Variants in EIF2S1 observed in about 807,000 individuals in gnomAD.
EIF2S1 encodes the protein eukaryotic translation initiation factor 2 subunit alpha, also known as eukaryotic translation initiation factor 2 subunit 1.
A neutral mutation model predicts 33.5 loss-of-function variants in EIF2S1; 5 were observed. The observed-to-expected ratio is 0.15, with a 90% CI of 0.08 to 0.31. EIF2S1 has a LOEUF of 0.31. Ranked by LOEUF, EIF2S1 falls within the 10% of genes least tolerant of loss-of-function variation. The pLI is 1.00. For synonymous variants in EIF2S1, 99 were observed against 127.5 expected, an observed-to-expected ratio of 0.78 and a Z score of 1.51; for missense variants, 191 against 384.6, an observed-to-expected ratio of 0.50 and a Z score of 4.21.
At chr14:67,371,768 A>G (rs1236617350) in intron 2 of EIF2S1, among the ~76,000 whole-genome samples, 5 of 152,256 alleles carry the variant, frequency 3.3e-5, no homozygotes, top group Admixed American at 3.3e-4. Flanking sequence ...TATGCAGTGC[A>G]TGACTAATTT....
At position 67,382,344 on chromosome 14, in the gene EIF2S1, G is replaced by T. The variant is rs1378779702; in HGVS notation, c.679-103G>T. The T allele has an allele frequency of 4.7e-6, 5 of 1,072,412 alleles. No homozygotes were observed. In the African/African-American group the frequency reaches 6.5e-5, roughly 14 times the overall value. 66.4% of individuals were successfully genotyped at this position (1,072,412 alleles called of 1,614,324 possible). ...CCTGTAGAATTGGCAATTACGTTTT[G>T]GGGTGATTTGTTAATACAGCAGATT... On this transcript the variant is annotated intron_variant, in intron 6 of 7. Coordinates refer to ENST00000256383, the MANE Select transcript of EIF2S1 (RefSeq NM_004094.5).
intron 1 of EIF2S1, among the ~76,000 whole-genome samples, chr14:67,363,384 G>A (rs1383132875): frequency 6.6e-6 from 1 of 151,972 alleles, no homozygotes; most frequent in Non-Finnish European, 1.5e-5. Context: ...GCTCTTTGTT[G>A]TCAAACAGAT....
At chr14:67,361,474 C>A (rs574320210) in intron 1 of EIF2S1, among the ~76,000 whole-genome samples, 4 of 152,324 alleles carry the variant, frequency 2.6e-5, no homozygotes, top group Admixed American at 2.0e-4. Flanking sequence ...TGTAGCACTC[C>A]TATACCAAGA....
intron 2 of EIF2S1, 72 bp from the exon 3 acceptor site, chr14:67,374,396 G>A: frequency 2.5e-6 from 2 of 801,190 alleles, no homozygotes; most frequent in South Asian, 5.9e-5. Context: ...ACTTAATTTG[G>A]TCTTCAAAGC....
intron 2 of EIF2S1, among the ~76,000 whole-genome samples, chr14:67,372,757 G>GGCAGGAGAATCACTTGAACCCAGGAT (rs2085831065): frequency 6.6e-6 from 1 of 151,952 alleles, no homozygotes; most frequent in Non-Finnish European, 1.5e-5. Context: ...GAACCCAGGA[G>GGCAGGAGAATCACTTGAACCCAGGAT]GCAGAGGTTG....
chr14:67,376,295 C>A, intron 3 of EIF2S1, 144 bp from the exon 4 acceptor site: 1 of 788,960 alleles, frequency 1.3e-6, no homozygotes, highest in Non-Finnish European at 1.9e-6. Context: ...ACTTTTTATA[C>A]CCACTTAAAG....
At position 67,365,069 on chromosome 14, in the gene EIF2S1, C is replaced by A. The variant is rs1389105835; in HGVS notation, c.241+61C>A. On this transcript the variant is annotated intron_variant, in intron 2 of 7. Transcript: ENST00000256383. ...ATTTAAAATGGTTTATTTAAAAATA[C>A]ATTTTTTGTAAATTGCAAGCTGCAG... The A allele has an allele frequency of 2.7e-6, 4 of 1,468,986 alleles. No individual in the cohort carries two copies. In the East Asian group the frequency reaches 7.6e-5, roughly 28 times the overall value. 91.0% of individuals were successfully genotyped at this position (1,468,986 alleles called of 1,614,324 possible).
rs200558505 is a variant in EIF2S1 at position 67,382,535 on chromosome 14, C to T, written c.767C>T (p.Ala256Val). 6.2e-7 allele frequency: 1 copy of T among 1,613,894 alleles called. No homozygotes were observed. The highest frequency in any genetic ancestry group is 8.5e-7 in the Non-Finnish European group (1 of 1,179,892). Residue 256 changes from alanine (A) to valine (V), a missense_variant, in exon 7 of 8, where the codon GCT becomes GTT. Ala to Val is a moderately conservative substitution (Grantham distance 64). Coordinates refer to ENST00000256383, the MANE Select transcript of EIF2S1 (RefSeq NM_004094.5). ...EGLSVLSQAM[A>V]VIKEKIEEKR... is the part of the protein sequence containing the mutation. ...CTTTCTGTCCTCAGTCAAGCTATGG[C>T]TGTTATCAAAGAGAAGATTGAGGAA...
chr14:67,364,882 TACA>T lies in EIF2S1; in HGVS notation c.122_124del (p.Asn41del). Reference sequence around the variant, plus strand: ...GGGGGCTTATGTCAGCTTGCTGGAATACAACAACATTGAAGGCATGATTCTTCT... The same window carrying T: ...GGGGGCTTATGTCAGCTTGCTGGAATACAACATTGAAGGCATGATTCTTCT... On this transcript the variant is annotated inframe_deletion, in exon 2 of 8. Coordinates refer to ENST00000256383, the MANE Select transcript of EIF2S1 (RefSeq NM_004094.5). 1 of 1,614,070 alleles carries T rather than the reference TACA, an allele frequency of 6.2e-7. No individual in the cohort carries two copies. The highest frequency in any genetic ancestry group is 8.5e-7 in the Non-Finnish European group (1 of 1,179,960).
chr14:67,364,498 G>T lies in EIF2S1; in HGVS notation c.-1-269G>T, dbSNP rs2085761517. 4 of 342,602 alleles carry T rather than the reference G, an allele frequency of 1.2e-5. No individual in the cohort carries two copies. The South Asian group carries it at 1.4e-4, about 12-fold the overall frequency. The allele number at this position is 342,602 out of a possible 1,614,324, so 21.2% of individuals were successfully genotyped here. A position where few individuals can be genotyped will look rare whatever the true frequency, so the allele number is the denominator to read the frequency against. On this transcript the variant is annotated intron_variant, in intron 1 of 7. Coordinates refer to ENST00000256383, the MANE Select transcript of EIF2S1 (RefSeq NM_004094.5). ...TTAGGTCTTGGAGTACTTTATAGAT[G>T]GTCATTATTTTTTATGATTCCTCTG...
rs908303267 is a variant in EIF2S1, at chr14:67,378,962, T to C, written c.474-1697T>C. On this transcript the variant is annotated intron_variant, in intron 4 of 7. Coordinates refer to ENST00000256383, the MANE Select transcript of EIF2S1 (RefSeq NM_004094.5). ...GTCTATTATCATTTTTTATTTAAAA[T>C]GTAACCTATTGTATCTTTTTGTAGC... Among the ~76,000 whole-genome samples the C allele has an allele frequency of 2.0e-5, 3 of 152,246 alleles. No homozygotes were observed. The South Asian group carries it at 6.2e-4, about 32-fold the overall frequency.
At chr14:67,372,933 G>A (rs2085833122) in intron 2 of EIF2S1, among the ~76,000 whole-genome samples, 1 of 152,182 alleles carries the variant, frequency 6.6e-6, no homozygotes, top group African/African-American at 2.4e-5. Context: ...TAATTGGATA[G>A]CAAATATGCA....
In EIF2S1 at chr14:67,365,731, C is replaced by T. The variant is rs115600406; in HGVS notation, c.241+723C>T. 5.4e-3 allele frequency among the ~76,000 whole-genome samples: 829 copies of T among 152,324 alleles called. 7 individuals carry two copies. Among genetic ancestry groups the T allele is most frequent in the African/African-American group, 0.019 (792 of 41,562 alleles). The stretch of plus-strand genomic sequence containing the variant: ...GGTGTTAGTTTTAGGTCATTAGTTA[C>T]CATCATGTCCGAAAGGCTTCATATC... On this transcript the variant is annotated intron_variant, in intron 2 of 7. Coordinates refer to ENST00000256383, the MANE Select transcript of EIF2S1 (RefSeq NM_004094.5).
At chr14:67,374,766 G>T in intron 3 of EIF2S1, 1 of 363,224 alleles carries the variant, frequency 2.8e-6, no homozygotes, top group Non-Finnish European at 5.0e-6. Flanking sequence ...TAAAATACGG[G>T]GTTTTTTTGT....
intron 4 of EIF2S1, among the ~76,000 whole-genome samples, chr14:67,377,304 A>T (rs1236038654): frequency 6.6e-6 from 1 of 152,176 alleles, no homozygotes; most frequent in East Asian, 1.9e-4. Context: ...AGGAAAAATC[A>T]GTCTTGCAGG....
Position 67,380,750 on chromosome 14 carries a change from G to A in EIF2S1, c.565G>A (p.Val189Ile). The A allele has an allele frequency of 1.3e-6, 2 of 1,529,940 alleles. No individual in the cohort carries two copies. The highest frequency in any genetic ancestry group is 1.8e-6 in the Non-Finnish European group (2 of 1,141,674). 94.8% of individuals were successfully genotyped at this position (1,529,940 alleles called of 1,614,324 possible). A position where few individuals can be genotyped will look rare whatever the true frequency, so the allele number is the denominator to read the frequency against. The change falls in exon 5 of 8, where the codon GTC becomes ATC. Residue 189 changes from valine (V) to isoleucine (I), a missense_variant. Coordinates refer to ENST00000256383, the MANE Select transcript of EIF2S1 (RefSeq NM_004094.5). ...NINRRLTPQA[V>I]KIRADIEVAC... ...TAATAGGCGCTTGACCCCACAGGCT[G>A]TCAAAATTCGAGCAGGTAAATGATT...
At chr14:67,370,175 C>T (rs757788304) in intron 2 of EIF2S1, among the ~76,000 whole-genome samples, 6 of 152,226 alleles carry the variant, frequency 3.9e-5, no homozygotes, top group Non-Finnish European at 8.8e-5. Context: ...CTGCCCTGGG[C>T]GGGCCAGGTG....
At chr14:67,381,736 C>A in intron 6 of EIF2S1, 46 bp downstream of exon 6, 1 of 1,304,034 alleles carries the variant, frequency 7.7e-7, no homozygotes, top group South Asian at 1.3e-5. Context: ...CTCACCTAAA[C>A]CAAATAGGAT....
intron 7 of EIF2S1, among the ~76,000 whole-genome samples, chr14:67,383,094 C>G (rs1231628225): frequency 6.6e-6 from 1 of 152,012 alleles, no homozygotes; most frequent in Non-Finnish European, 1.5e-5. Context: ...AAATAATTTT[C>G]CATTTTAATA....
Sources: gnomAD v4.1 joint callset for allele counts (sites outside exome capture counted in the v4.1 genomes callset) on GRCh38, gnomAD v4.1.1 for gene constraint, MANE v1.5 for transcripts, NCBI Gene and HGNC (gene_info 2026-07-23, HGNC 2026-07-21) for gene names.